CSMD1: variants seen among roughly 807,000 people sequenced by gnomAD.
CSMD1 encodes the protein CUB and Sushi multiple domains 1, also known as CUB and sushi domain-containing protein 1.
CSMD1 carries 213 observed loss-of-function variants against 417.5 expected under a neutral mutation model. The observed-to-expected ratio is 0.51, with a 90% CI of 0.46 to 0.57. The LOEUF (loss-of-function observed/expected upper bound fraction) is 0.57, where lower values mean the gene tolerates loss of function less well. Ranked by LOEUF, CSMD1 falls within the 20% of genes least tolerant of loss-of-function variation. CSMD1 has a pLI of 0.00. For missense variants in CSMD1, 6,923 were observed against 4,529.7 expected (o/e 1.53, Z -15.17); for synonymous variants, 2,862 against 1,736.8 (o/e 1.65, Z -16.11).
chr8:4,491,082 T>A (rs991258827), intron 2 of CSMD1, among the ~76,000 whole-genome samples: 2 of 152,182 alleles, frequency 1.3e-5, no homozygotes, highest in African/African-American at 4.8e-5. Flanking sequence ...TAATAAGACA[T>A]GAGCTATTAA....
chr8:4,541,377 T>C (rs1797375512), intron 2 of CSMD1, among the ~76,000 whole-genome samples: 2 of 152,224 alleles, frequency 1.3e-5, no homozygotes, highest in Admixed American at 6.5e-5. Context: ...AGTGTTTTTA[T>C]AGTTTTGCTT....
At chr8:4,130,294 T>C (rs17069085) in intron 3 of CSMD1, among the ~76,000 whole-genome samples, 27,390 of 152,122 alleles carry the variant, frequency 0.18, 2,617 homozygotes, top group Middle Eastern at 0.25. Flanking sequence ...TTAACATCTT[T>C]ATTCTGGTAT....
At chr8:3,160,875 T>C (rs1819847425) in intron 38 of CSMD1, among the ~76,000 whole-genome samples, 1 of 152,194 alleles carries the variant, frequency 6.6e-6, no homozygotes, top group Non-Finnish European at 1.5e-5. Flanking sequence ...TGCCAGCCCC[T>C]GTTCTTGCTC....
chr8:4,143,112 A>G (rs1585409141), intron 3 of CSMD1, among the ~76,000 whole-genome samples: 1 of 140,868 alleles, frequency 7.1e-6, no homozygotes, highest in East Asian at 2.0e-4. Context: ...AACTTGGGAA[A>G]CTATGGAGGA....
intron 7 of CSMD1, among the ~76,000 whole-genome samples, chr8:3,645,418 C>G (rs759812563): frequency 6.6e-6 from 1 of 152,164 alleles, no homozygotes; most frequent in Non-Finnish European, 1.5e-5. Flanking sequence ...TGGGTACCTT[C>G]TGGTCTCAGA....
chr8:4,456,938 G>A (rs928909840), intron 2 of CSMD1, among the ~76,000 whole-genome samples: 18 of 147,820 alleles, frequency 1.2e-4, no homozygotes, highest in African/African-American at 4.0e-4. Context: ...CCTGAGCATG[G>A]CAATTCCTCT....
chr8:3,301,809 G>T (rs147830343), intron 25 of CSMD1, among the ~76,000 whole-genome samples: 21 of 152,292 alleles, frequency 1.4e-4, no homozygotes, highest in Non-Finnish European at 1.3e-4. Flanking sequence ...ATAAAGGATG[G>T]ATTTGGGAAG....
chr8:2,993,395 G>T (rs1331241649), intron 54 of CSMD1, among the ~76,000 whole-genome samples: 1 of 152,068 alleles, frequency 6.6e-6, no homozygotes, highest in Admixed American at 6.6e-5. Flanking sequence ...CAGCAGAGGG[G>T]GCTACTGTCT....
At chr8:3,554,624 G>A (rs1206985436) in intron 10 of CSMD1, among the ~76,000 whole-genome samples, 1 of 152,230 alleles carries the variant, frequency 6.6e-6, no homozygotes, top group Non-Finnish European at 1.5e-5. Context: ...GATCTGAGCA[G>A]GTGGGAGAAA....
chr8:4,022,456 G>C (rs537224817), intron 4 of CSMD1, among the ~76,000 whole-genome samples: 3 of 152,120 alleles, frequency 2.0e-5, no homozygotes, highest in Admixed American at 2.0e-4. Context: ...TGCAGATAAG[G>C]ACATTTGCAG....
chr8:4,638,917 G>A (rs1222854781), intron 1 of CSMD1, among the ~76,000 whole-genome samples: 1 of 152,166 alleles, frequency 6.6e-6, no homozygotes, highest in East Asian at 1.9e-4. Context: ...CTTCTCAGGT[G>A]ACTCCCAGAC....
At chr8:4,076,803 T>G (rs540170356) in intron 3 of CSMD1, among the ~76,000 whole-genome samples, 1 of 152,278 alleles carries the variant, frequency 6.6e-6, no homozygotes, top group Admixed American at 6.5e-5. Flanking sequence ...GTATACACCA[T>G]CACGCAAGGC....
intron 2 of CSMD1, among the ~76,000 whole-genome samples, chr8:4,490,646 A>C (rs1467551165): frequency 6.6e-6 from 1 of 152,108 alleles, no homozygotes; most frequent in Non-Finnish European, 1.5e-5. Context: ...TGCCCATTTG[A>C]CCCATGCTCA....
At chr8:2,954,171 G>C (rs1421515031) in intron 65 of CSMD1, 53 bp downstream of exon 65, 9 of 1,016,784 alleles carry the variant, frequency 8.9e-6, no homozygotes, top group Admixed American at 2.8e-5. Flanking sequence ...GTGCAGAGTA[G>C]AGAACAAATC....
chr8:3,275,855 T>G lies in CSMD1; in HGVS notation c.4153+8289A>C, dbSNP rs112030948. ...CTAAACTTTTTTCATAGTTTTCAAC[T>G]TCTTTGCCTTTGGTTTGAATGTCCT... On this transcript the variant is annotated intron_variant, in intron 26 of 69. Transcript: ENST00000635120. Among the ~76,000 whole-genome samples the G allele has an allele frequency of 9.7e-3, 1,481 of 152,220 alleles. 12 individuals are homozygous for G. Among genetic ancestry groups the G allele is most frequent in the Middle Eastern group, 0.02 (6 of 294 alleles).
At chr8:3,559,452 C>T (rs769813336) in intron 10 of CSMD1, among the ~76,000 whole-genome samples, 9 of 152,046 alleles carry the variant, frequency 5.9e-5, no homozygotes, top group Non-Finnish European at 1.0e-4. Flanking sequence ...GCCAAGCAAC[C>T]TGTAAATGTG....
At chr8:4,126,092 G>T (rs1299287173) in intron 3 of CSMD1, among the ~76,000 whole-genome samples, 6 of 151,684 alleles carry the variant, frequency 4.0e-5, no homozygotes, top group Admixed American at 1.3e-4. Flanking sequence ...ACAGAAGACA[G>T]CAAGAAAAAC....
chr8:3,073,883 A>G (rs905965335), intron 49 of CSMD1, among the ~76,000 whole-genome samples: 2 of 152,156 alleles, frequency 1.3e-5, no homozygotes, highest in Admixed American at 6.5e-5. Context: ...TTTGACTGTT[A>G]GATGTGCAAG....
chr8:3,808,560 T>A (rs570069506), intron 5 of CSMD1, among the ~76,000 whole-genome samples: 7 of 152,196 alleles, frequency 4.6e-5, no homozygotes. Context: ...CTCTTTATGA[T>A]ATGGGGAGAA....
Sources: allele counts gnomAD v4.1 joint callset (sites outside exome capture counted in the v4.1 genomes callset), GRCh38; gene constraint gnomAD v4.1.1; transcripts MANE v1.5; gene names NCBI Gene and HGNC (gene_info 2026-07-23, HGNC 2026-07-21).